The following ANKRD6 variants were observed in gnomAD, a reference collection of about 807,000 sequenced individuals.
ANKRD6 encodes ankyrin repeat domain-containing protein 6.
Under a neutral mutation model 82.3 loss-of-function variants are expected in ANKRD6, and 56 were observed. That is an observed-to-expected ratio of 0.68 (90% confidence interval 0.55 to 0.85). ANKRD6 has a LOEUF of 0.85. ANKRD6 is among the 40% of genes least tolerant of loss of function. The probability of loss-of-function intolerance (pLI) is 0.00; values close to 1 mark genes in which losing one functional copy is unlikely to be tolerated. For synonymous variants in ANKRD6, 347 were observed against 352.1 expected (o/e 0.99, Z 0.16); for missense variants, 852 against 907.6 (o/e 0.94, Z 0.79).
chr6:89,465,689 C>T (rs1774764897), intron 1 of ANKRD6, among the ~76,000 whole-genome samples: 2 of 151,824 alleles, frequency 1.3e-5, no homozygotes, highest in Admixed American at 6.6e-5. Flanking sequence ...GGTGAGACCC[C>T]ATCTCTACAA....
intron 1 of ANKRD6, among the ~76,000 whole-genome samples, chr6:89,529,160 A>T (rs1782850859): frequency 6.6e-6 from 1 of 152,190 alleles, no homozygotes; most frequent in African/African-American, 2.4e-5. Flanking sequence ...CTTAGATGGA[A>T]TCTTCTTCCA....
At chr6:89,567,160 T>C (rs1259272625) in intron 2 of ANKRD6, 64 bp downstream of exon 2, 37 of 1,536,424 alleles carry the variant, frequency 2.4e-5, no homozygotes, top group Middle Eastern at 1.7e-4. Flanking sequence ...AACCATTGTC[T>C]GAAAAACTGC....
chr6:89,623,669 A>G lies in ANKRD6; in HGVS notation c.1032+125A>G. On this transcript the variant is annotated intron_variant, in intron 11 of 15. Transcript: ENST00000339746. ...TGGCTGGCTGGTTTGGAGCCAGAGCACAGAAATTAAATCTGGCTAACATCA... is the reference window on the plus strand; with the variant it reads ...TGGCTGGCTGGTTTGGAGCCAGAGCGCAGAAATTAAATCTGGCTAACATCA... The G allele has an allele frequency of 2.2e-6, 3 of 1,393,086 alleles. No homozygotes were observed. In the East Asian group the frequency reaches 7.5e-5, roughly 35 times the overall value. The allele number at this position is 1,393,086 out of a possible 1,614,324, so 86.3% of individuals were successfully genotyped here. A position where few individuals can be genotyped will look rare whatever the true frequency, so the allele number is the denominator to read the frequency against.
At chr6:89,453,902 C>A (rs1373162364) in intron 1 of ANKRD6, among the ~76,000 whole-genome samples, 1 of 151,870 alleles carries the variant, frequency 6.6e-6, no homozygotes, top group African/African-American at 2.4e-5. Flanking sequence ...CATGGGTTCA[C>A]GCCATTCTCC....
In ANKRD6 at chr6:89,629,247, C is replaced by A. The variant is rs1302953697; in HGVS notation, c.1612+9C>A. 1 of 1,613,666 alleles carries A rather than the reference C, an allele frequency of 6.2e-7. No individual in the cohort carries two copies. The highest frequency in any genetic ancestry group is 1.3e-5 in the African/African-American group (1 of 74,892). ...TTGTGAGTCCTCTACAGGTAACCCA[C>A]ACACAGAGAGCCCTTTTGTCCAAAA... On this transcript the variant is annotated intron_variant, in intron 15 of 15. Transcript: ENST00000339746.
intron 1 of ANKRD6, among the ~76,000 whole-genome samples, chr6:89,486,349 A>G (rs139156711): frequency 6.6e-6 from 1 of 152,224 alleles, no homozygotes; most frequent in African/African-American, 2.4e-5. Flanking sequence ...AAAATTATAT[A>G]AATAAAAATA....
In ANKRD6 at chr6:89,534,143, T is replaced by TAA. The variant is rs1783539897; in HGVS notation, c.-143-32688_-143-32687dup. Among the ~76,000 whole-genome samples, 4 of 152,352 alleles carry TAA rather than the reference T, an allele frequency of 2.6e-5. No homozygotes were observed. In the South Asian group the frequency reaches 8.3e-4, roughly 32 times the overall value. On this transcript the variant is annotated intron_variant, in intron 1 of 15. Coordinates refer to ENST00000339746, the MANE Select transcript of ANKRD6 (RefSeq NM_001242809.2). ...AATGCAGCTAAATTTAGCTCTGCTGTAAAAGAGTTTAATTTTCAAAGCCAA... is the reference window on the plus strand; with the variant it reads ...AATGCAGCTAAATTTAGCTCTGCTGTAAAAAAGAGTTTAATTTTCAAAGCCAA...
At chr6:89,466,656 C>G (rs1774883204) in intron 1 of ANKRD6, among the ~76,000 whole-genome samples, 2 of 152,100 alleles carry the variant, frequency 1.3e-5, no homozygotes, top group African/African-American at 4.8e-5. Flanking sequence ...AAAATCTTCA[C>G]CTTCCTGTAA....
At chr6:89,571,893 C>T (rs918068790) in intron 2 of ANKRD6, among the ~76,000 whole-genome samples, 1 of 152,184 alleles carries the variant, frequency 6.6e-6, no homozygotes, top group African/African-American at 2.4e-5. Context: ...TTTTACTGCT[C>T]TAAAGATCCT....
chr6:89,472,853 T>A (rs1235635886), intron 1 of ANKRD6, among the ~76,000 whole-genome samples: 1 of 152,118 alleles, frequency 6.6e-6, no homozygotes, highest in African/African-American at 2.4e-5. Flanking sequence ...CACTGCCTGC[T>A]CCCCAGCCTC....
chr6:89,606,143 G>A, intron 5 of ANKRD6, 38 bp downstream of exon 5: 1 of 1,476,848 alleles, frequency 6.8e-7, no homozygotes, highest in East Asian at 2.5e-5. Flanking sequence ...TCATTCACAG[G>A]TGAGGATGGC....
intron 1 of ANKRD6, among the ~76,000 whole-genome samples, chr6:89,555,906 G>A (rs1361897086): frequency 5.3e-5 from 8 of 152,300 alleles, no homozygotes; most frequent in Non-Finnish European, 8.8e-5. Flanking sequence ...AAATCAAGGC[G>A]GGGGAGGGAG....
intron 1 of ANKRD6, among the ~76,000 whole-genome samples, chr6:89,473,929 C>T (rs909068794): frequency 2.0e-5 from 3 of 152,094 alleles, no homozygotes; most frequent in African/African-American, 7.2e-5. Context: ...AGAAGTGAGC[C>T]AAGATCGTGC....
chr6:89,560,866 G>A (rs1465936664), intron 1 of ANKRD6: 1 of 152,288 alleles, frequency 6.6e-6, no homozygotes, highest in East Asian at 1.9e-4. Context: ...GCACAGATGA[G>A]GGAATGGTCA....
At chr6:89,601,395 T>G (rs1476147934) in intron 3 of ANKRD6, among the ~76,000 whole-genome samples, 1 of 152,024 alleles carries the variant, frequency 6.6e-6, no homozygotes, top group Non-Finnish European at 1.5e-5. Flanking sequence ...AAATGAACAG[T>G]GGGAAGAGAG....
chr6:89,498,753 TA>T (rs1778933290), intron 1 of ANKRD6, among the ~76,000 whole-genome samples: 1 of 152,226 alleles, frequency 6.6e-6, no homozygotes, highest in African/African-American at 2.4e-5. Flanking sequence ...CCCAGTTTGC[TA>T]TGGATTAGAT....
chr6:89,522,492 G>A (rs1405020913), intron 1 of ANKRD6, among the ~76,000 whole-genome samples: 5 of 152,108 alleles, frequency 3.3e-5, no homozygotes, highest in African/African-American at 1.2e-4. Flanking sequence ...TTTGATTGGG[G>A]GTGTCATCTT....
At chr6:89,629,005 T>G (rs1806653229) in intron 14 of ANKRD6, 107 bp from the exon 15 acceptor site, 1 of 1,269,282 alleles carries the variant, frequency 7.9e-7, no homozygotes, top group Non-Finnish European at 1.1e-6. Context: ...TATCCTCAAC[T>G]GTTATAATTG....
intron 1 of ANKRD6, among the ~76,000 whole-genome samples, chr6:89,445,071 TTTGCAGA>T (rs1183213765): frequency 1.3e-5 from 2 of 152,196 alleles, no homozygotes; most frequent in African/African-American, 4.8e-5. Context: ...TTTATTGCAC[TTTGCAGA>T]TACGTGTTTT....
Sources: allele counts gnomAD v4.1 joint callset (sites outside exome capture counted in the v4.1 genomes callset), GRCh38; gene constraint gnomAD v4.1.1; transcripts MANE v1.5; gene names NCBI Gene and HGNC (gene_info 2026-07-23, HGNC 2026-07-21).